RMST: variants seen among roughly 807,000 people sequenced by gnomAD.
The protein encoded by RMST is rhabdomyosarcoma 2 associated transcript, also known as long intergenic non-protein coding RNA 54.
chr12:97,488,856 A>G (rs902239800), intron 5 of RMST, among the ~76,000 whole-genome samples: 1 of 152,122 alleles, frequency 6.6e-6, no homozygotes, highest in Admixed American at 6.5e-5. Context: ...TTGGGATGGA[A>G]ATTTCTATTT....
At chr12:97,468,700 A>G (rs888283971) in intron 5 of RMST, among the ~76,000 whole-genome samples, 3 of 152,062 alleles carry the variant, frequency 2.0e-5, no homozygotes, top group Admixed American at 6.6e-5. Flanking sequence ...GTGTTTTAAT[A>G]TAGTTTACCG....
At chr12:97,503,477 G>A (rs1878318571) in intron 10 of RMST, among the ~76,000 whole-genome samples, 5 of 150,506 alleles carry the variant, frequency 3.3e-5, no homozygotes, top group Admixed American at 3.3e-4. Context: ...AAAAAGGTGG[G>A]ATGCTTATTA....
At chr12:97,501,209 T>G (rs1365519967) in intron 10 of RMST, among the ~76,000 whole-genome samples, 2 of 152,202 alleles carry the variant, frequency 1.3e-5, no homozygotes, top group African/African-American at 2.4e-5. Context: ...TATTTACCAG[T>G]AAGGCCTTGG....
At chr12:97,550,785 T>C (rs1883258280) in intron 11 of RMST, among the ~76,000 whole-genome samples, 1 of 152,180 alleles carries the variant, frequency 6.6e-6, no homozygotes. Context: ...TTTGGAGCCA[T>C]ATATTCATGC....
intron 5 of RMST, among the ~76,000 whole-genome samples, chr12:97,475,742 T>C (rs934049808): frequency 6.6e-6 from 1 of 152,110 alleles, no homozygotes; most frequent in Admixed American, 6.6e-5. Context: ...TGTTAAGTAG[T>C]GGGTCCTCTT....
At chr12:97,564,414 G>C (rs978843258) in exon 14 of RMST, 1 of 153,580 alleles carries the variant, frequency 6.5e-6, no homozygotes, top group Admixed American at 6.5e-5. Flanking sequence ...GTGGTACAAT[G>C]GGGAACACCT....
chr12:97,531,284 T>C (rs921611059), intron 11 of RMST, among the ~76,000 whole-genome samples: 1 of 152,042 alleles, frequency 6.6e-6, no homozygotes, highest in African/African-American at 2.4e-5. Flanking sequence ...TTATAGAATA[T>C]GTAGAGGTTC....
rs115333181 is a variant in RMST at position 97,485,674 on chromosome 12, A to G, written n.645-6787A>G. On this transcript the variant is annotated intron_variant and non_coding_transcript_variant, in intron 5 of 13. Coordinates refer to ENST00000640149, the Ensembl canonical transcript of RMST. Reference sequence around the variant, plus strand: ...CCAAAGGCATTATTACCAGCATTTTATAAAATAAGCCTCAGGAAGCATAAA... The same window carrying G: ...CCAAAGGCATTATTACCAGCATTTTGTAAAATAAGCCTCAGGAAGCATAAA... Among the ~76,000 whole-genome samples, 1,210 of 152,350 alleles carry G rather than the reference A, an allele frequency of 7.9e-3. 19 individuals carry two copies. The highest frequency in any genetic ancestry group is 0.027 in the African/African-American group (1,139 of 41,586).
intron 13 of RMST, chr12:97,563,686 C>T: frequency 4.7e-6 from 2 of 421,584 alleles, no homozygotes; most frequent in South Asian, 1.7e-5. Context: ...CGTGATGTCA[C>T]AATTCAAGTG....
Position 97,562,188 on chromosome 12 carries a change from T to C in RMST, n.1958+1141T>C, listed in dbSNP as rs1031053441. ...TGCCCTTCAGTACTGATCCAAAGGA[T>C]GCAGGTCCAAACTTGTAGAAAGAAC... On this transcript the variant is annotated intron_variant and non_coding_transcript_variant, in intron 13 of 13. Transcript: ENST00000640149. Among the ~76,000 whole-genome samples, 6 of 152,146 alleles carry C rather than the reference T, an allele frequency of 3.9e-5. No individual in the cohort carries two copies. In the East Asian group the frequency reaches 9.7e-4, roughly 24 times the overall value.
intron 13 of RMST, among the ~76,000 whole-genome samples, chr12:97,561,629 C>CTTTTTTTTTTTTTTT (rs9331504): frequency 1.8e-5 from 1 of 56,648 alleles, no homozygotes; most frequent in Non-Finnish European, 3.0e-5. Flanking sequence ...AGTTTGAAGG[C>CTTTTTTTTTTTTTTT]TTTTTTTTTT....
intron 11 of RMST, among the ~76,000 whole-genome samples, chr12:97,545,299 T>C (rs1882850880): frequency 6.6e-6 from 1 of 152,068 alleles, no homozygotes; most frequent in African/African-American, 2.4e-5. Flanking sequence ...TTTACATATG[T>C]TTTCTTCTTT....
chr12:97,550,410 A>AATAC (rs1436994912), intron 11 of RMST, among the ~76,000 whole-genome samples: 5 of 152,144 alleles, frequency 3.3e-5, no homozygotes, highest in Non-Finnish European at 5.9e-5. Context: ...TAAATAAATA[A>AATAC]ATGAATAATA....
rs189389839 is a variant in RMST at position 97,492,705 on chromosome 12, T to C, written n.790+99T>C. ...AAGGCTGATGCTTCTTGCCTGTTTT[T>C]CCAACTCTTTTAATGCTATAAAATG... On this transcript the variant is annotated intron_variant and non_coding_transcript_variant, in intron 6 of 13. Transcript: ENST00000640149. The C allele has an allele frequency of 2.0e-5, 3 of 152,342 alleles. No homozygotes were observed. In the East Asian group the frequency reaches 5.8e-4, roughly 29 times the overall value. 9.4% of individuals were successfully genotyped at this position (152,342 alleles called of 1,614,324 possible). A position where few individuals can be genotyped will look rare whatever the true frequency, so the allele number is the denominator to read the frequency against.
At chr12:97,546,721 G>A (rs928342255) in intron 11 of RMST, among the ~76,000 whole-genome samples, 32 of 152,058 alleles carry the variant, frequency 2.1e-4, no homozygotes, top group African/African-American at 7.5e-4. Context: ...ACAATATGAT[G>A]TTCTGAAATA....
chr12:97,547,778 A>G (rs1009753430), intron 11 of RMST, among the ~76,000 whole-genome samples: 1 of 152,090 alleles, frequency 6.6e-6, no homozygotes, highest in African/African-American at 2.4e-5. Context: ...AGTTCTTTAT[A>G]TATTTTGGAT....
exon 8 of RMST, chr12:97,493,940 T>G (rs1213535770): frequency 6.6e-6 from 1 of 152,230 alleles, no homozygotes; most frequent in African/African-American, 2.4e-5. Context: ...GGAAGTCAGC[T>G]GAAGACCATT....
chr12:97,515,716 G>A (rs1400869180), intron 10 of RMST, among the ~76,000 whole-genome samples: 1 of 152,016 alleles, frequency 6.6e-6, no homozygotes, highest in African/African-American at 2.4e-5. Flanking sequence ...TCTAATATTT[G>A]TAATTTTTAC....
chr12:97,512,808 C>T (rs998099243), intron 10 of RMST, among the ~76,000 whole-genome samples: 6 of 152,212 alleles, frequency 3.9e-5, no homozygotes, highest in Admixed American at 1.3e-4. Context: ...CTTGGGTGGT[C>T]GATGGGACTG....
Sources: gnomAD v4.1 joint callset for allele counts (sites outside exome capture counted in the v4.1 genomes callset) on GRCh38, gnomAD v4.1.1 for gene constraint, MANE v1.5 for transcripts, NCBI Gene and HGNC (gene_info 2026-07-23, HGNC 2026-07-21) for gene names.